The following TRAK1 variants were observed in gnomAD, a reference collection of about 807,000 sequenced individuals.
The protein encoded by TRAK1 is trafficking kinesin-binding protein 1.
Under a neutral mutation model 92.1 loss-of-function variants are expected in TRAK1, and 33 were observed. The ratio of observed to expected loss-of-function variants is 0.36; its 90% confidence interval spans 0.27 to 0.48. The LOEUF (loss-of-function observed/expected upper bound fraction) is 0.48. Ranked by LOEUF, TRAK1 falls within the 20% of genes least tolerant of loss-of-function variation. TRAK1 has a pLI of 0.99. For synonymous variants in TRAK1, 521 were observed against 517.3 expected (o/e 1.01, Z -0.10); for missense variants, 1,123 against 1,257.9 (o/e 0.89, Z 1.62).
intron 1 of TRAK1, among the ~76,000 whole-genome samples, chr3:42,036,314 G>A (rs1461218480): frequency 6.6e-6 from 1 of 152,228 alleles, no homozygotes; most frequent in East Asian, 1.9e-4. Flanking sequence ...GTGCCTCACA[G>A]TAGTGCCTGG....
chr3:42,132,984 C>T (rs1402332454), intron 2 of TRAK1, among the ~76,000 whole-genome samples: 1 of 152,220 alleles, frequency 6.6e-6, no homozygotes, highest in Non-Finnish European at 1.5e-5. Context: ...GTTAATTCTT[C>T]CTCCAGATAT....
rs774475039 is a variant in TRAK1 at position 42,202,863 on chromosome 3, C to T, written c.1744+111C>T. On this transcript the variant is annotated intron_variant, in intron 13 of 15. Transcript: ENST00000327628. The surrounding 1 kb of genome is among the most constrained non-coding windows in gnomAD (Gnocchi z 6.1). Reference sequence around the variant, plus strand: ...CTGTCACGCCTACTCCTTTTTCTTCCGCGACAGCCACCCGCGCTGCTGGTT... The same window carrying T: ...CTGTCACGCCTACTCCTTTTTCTTCTGCGACAGCCACCCGCGCTGCTGGTT... 42 of 1,497,944 alleles carry T rather than the reference C, an allele frequency of 2.8e-5. No individual in the cohort carries two copies. Among genetic ancestry groups the T allele is most frequent in the African/African-American group, 2.6e-4 (19 of 71,868 alleles). 92.8% of individuals were successfully genotyped at this position (1,497,944 alleles called of 1,614,324 possible). A position where few individuals can be genotyped will look rare whatever the true frequency, so the allele number is the denominator to read the frequency against.
intron 2 of TRAK1, among the ~76,000 whole-genome samples, chr3:42,167,726 A>G (rs1239380829): frequency 1.3e-5 from 2 of 152,118 alleles, no homozygotes; most frequent in African/African-American, 4.8e-5. Flanking sequence ...TAAAAATACA[A>G]AAAATTAGCT....
intron 2 of TRAK1, among the ~76,000 whole-genome samples, chr3:42,165,968 C>A (rs1193548001): frequency 6.6e-6 from 1 of 152,072 alleles, no homozygotes; most frequent in Non-Finnish European, 1.5e-5. Flanking sequence ...TGCCACTCTG[C>A]CCATTTCTGG....
chr3:42,062,726 A>G (rs1576216028), intron 1 of TRAK1, among the ~76,000 whole-genome samples: 1 of 152,228 alleles, frequency 6.6e-6, no homozygotes, highest in Non-Finnish European at 1.5e-5. Context: ...AACAAAGACT[A>G]TTTAGGCTGC....
intron 1 of TRAK1, among the ~76,000 whole-genome samples, chr3:42,014,497 C>T (rs1701439987): frequency 6.6e-6 from 1 of 152,220 alleles, no homozygotes; most frequent in Non-Finnish European, 1.5e-5. Flanking sequence ...CCTTTAGAGC[C>T]CTCCTTTGCA....
chr3:42,085,934 A>G (rs1015485893), upstream of TRAK1, among the ~76,000 whole-genome samples: 16 of 152,376 alleles, frequency 1.1e-4, 2 homozygotes, highest in Middle Eastern at 6.8e-3. Flanking sequence ...CTGTACATCC[A>G]TGAAAGAGTG....
intron 13 of TRAK1, 152 bp from the exon 14 acceptor site, chr3:42,209,615 C>T: frequency 1.4e-6 from 1 of 712,160 alleles, no homozygotes. Context: ...GGCGGCTCCA[C>T]TGAAGTTCCC....
intron 1 of TRAK1, among the ~76,000 whole-genome samples, chr3:42,104,264 G>C (rs1002723452): frequency 1.3e-5 from 2 of 152,172 alleles, no homozygotes; most frequent in African/African-American, 2.4e-5. Context: ...GGGCACTTCT[G>C]GGGGCAGGGC....
intron 1 of TRAK1, among the ~76,000 whole-genome samples, chr3:42,017,186 A>G (rs537602027): frequency 1.3e-5 from 2 of 152,174 alleles, no homozygotes; most frequent in African/African-American, 4.8e-5. Flanking sequence ...GCTTGAACCC[A>G]GGAGGTGGAG....
At chr3:42,053,375 T>TGGGGGGGGGGGGGG (rs760432112) in intron 1 of TRAK1, among the ~76,000 whole-genome samples, 1 of 50,676 alleles carries the variant, frequency 2.0e-5, no homozygotes, top group Non-Finnish European at 4.7e-5. Context: ...CAGAGTCGGG[T>TGGGGGGGGGGGGGG]GGGGGGGGGG....
intron 14 of TRAK1, chr3:42,210,686 A>G: frequency 3.0e-6 from 3 of 990,786 alleles, no homozygotes; most frequent in Non-Finnish European, 3.6e-6. Flanking sequence ...ATGGAGGTAT[A>G]TATGTCATTT....
chr3:42,049,368 T>TG (rs1702892803), intron 1 of TRAK1, among the ~76,000 whole-genome samples: 1 of 152,030 alleles, frequency 6.6e-6, no homozygotes, highest in Non-Finnish European at 1.5e-5. Context: ...ATCTAAATTT[T>TG]GGGGTACTGG....
intron 2 of TRAK1, among the ~76,000 whole-genome samples, chr3:42,172,504 C>T (rs1702692810): frequency 1.3e-5 from 2 of 152,216 alleles, no homozygotes; most frequent in South Asian, 4.1e-4. Context: ...AATTGCCTTG[C>T]ACCCCCTCCC....
rs1421063449 is a variant in TRAK1 at position 42,176,794 on chromosome 3, G to C, written c.287-20G>C. On this transcript the variant is annotated intron_variant, in intron 2 of 15. Coordinates refer to ENST00000327628, the MANE Select transcript of TRAK1 (RefSeq NM_001042646.3). ...GGTTTGTGACATTGGGAGTCTCATTGTCATTTTTATTTCTTACAGTTTTAT... is the reference window on the plus strand; with the variant it reads ...GGTTTGTGACATTGGGAGTCTCATTCTCATTTTTATTTCTTACAGTTTTAT... The C allele has an allele frequency of 1.9e-6, 3 of 1,610,600 alleles. No individual in the cohort carries two copies. The highest frequency in any genetic ancestry group is 1.3e-5 in the African/African-American group (1 of 74,838).
At chr3:42,100,935 T>G (rs1268633784) in intron 1 of TRAK1, among the ~76,000 whole-genome samples, 1 of 152,226 alleles carries the variant, frequency 6.6e-6, no homozygotes, top group Non-Finnish European at 1.5e-5. Context: ...CCCAAAGTGC[T>G]GGGATTACAG....
intron 13 of TRAK1, chr3:42,203,071 G>T: frequency 3.2e-6 from 4 of 1,237,460 alleles, no homozygotes; most frequent in Non-Finnish European, 1.0e-6. Flanking sequence ...GGCGGTAGAG[G>T]CACTGCTAAC....
At chr3:42,176,702 A>C in intron 2 of TRAK1, 112 bp from the exon 3 acceptor site, 1 of 912,006 alleles carries the variant, frequency 1.1e-6, no homozygotes, top group Non-Finnish European at 1.8e-6. Context: ...CGAGCCAGTG[A>C]CCCTCTGTGT....
chr3:42,201,385 G>A (rs1323750812), intron 12 of TRAK1, among the ~76,000 whole-genome samples: 1 of 151,986 alleles, frequency 6.6e-6, no homozygotes, highest in Non-Finnish European at 1.5e-5. Flanking sequence ...GCTTGAACCC[G>A]GGAGGTGGAG....
Sources: allele counts gnomAD v4.1 joint callset (sites outside exome capture counted in the v4.1 genomes callset), GRCh38; gene constraint gnomAD v4.1.1; non-coding constraint Gnocchi (gnomAD v3.1); transcripts MANE v1.5; gene names NCBI Gene and HGNC (gene_info 2026-07-23, HGNC 2026-07-21).